Variants in CPLANE1 observed in about 807,000 individuals in gnomAD.
CPLANE1 encodes the protein ciliogenesis and planar polarity effector complex subunit 1, also known as ciliogenesis and planar polarity effector 1.
CPLANE1 carries 263 observed loss-of-function variants against 362.5 expected under a neutral mutation model. The ratio of observed to expected loss-of-function variants is 0.73; its 90% CI spans 0.66 to 0.80. The LOEUF is 0.80. Ranked by LOEUF, CPLANE1 falls within the 30% of genes least tolerant of loss-of-function variation. CPLANE1 has a pLI of 0.00. For synonymous variants in CPLANE1, 1,212 were observed against 1,302.6 expected, an observed-to-expected ratio of 0.93 and a Z score of 1.50; for missense variants, 3,461 against 3,793.4, an observed-to-expected ratio of 0.91 and a Z score of 2.30.
At chr5:37,131,060 G>A (rs899001330) in intron 46 of CPLANE1, among the ~76,000 whole-genome samples, 1 of 152,184 alleles carries the variant, frequency 6.6e-6, no homozygotes, top group Admixed American at 6.5e-5. Flanking sequence ...AATGTAAGTC[G>A]AAGAAGTGAT....
intron 43 of CPLANE1, among the ~76,000 whole-genome samples, chr5:37,144,695 C>T (rs1218130243): frequency 6.6e-6 from 1 of 151,010 alleles, no homozygotes; most frequent in Admixed American, 6.6e-5. Flanking sequence ...ACTAAAAATA[C>T]AAAAAATTAG....
Position 37,167,152 on chromosome 5 carries a change from T to C in CPLANE1, c.7295A>G (p.Lys2432Arg). 6.2e-7 allele frequency: 1 copy of C among 1,613,588 alleles called. No homozygotes were observed. Among genetic ancestry groups the C allele is most frequent in the South Asian group, 1.1e-5 (1 of 90,964 alleles). ...NLIAFKQSQQ[K>R]LTHNLFEQGD... The stretch of plus-strand genomic sequence containing the variant: ...TTGTTCAAATAAATTATGTGTTAGT[T>C]TCTGTTGGCTTTGTTTAAACGCAAT... The change falls in exon 35 of 53, where the codon AAA (lysine) becomes AGA (arginine). Residue 2432 changes from lysine to arginine, a missense_variant. By Grantham distance (26) the Lys-to-Arg change is conservative. Coordinates refer to ENST00000651892, the MANE Select transcript of CPLANE1 (RefSeq NM_001384732.1).
At chr5:37,153,522 A>G (rs1430487465) in intron 42 of CPLANE1, among the ~76,000 whole-genome samples, 1 of 152,172 alleles carries the variant, frequency 6.6e-6, no homozygotes, top group African/African-American at 2.4e-5. Context: ...CAGTGGGTAA[A>G]GACCAGGGAT....
downstream of CPLANE1, among the ~76,000 whole-genome samples, chr5:37,101,966 T>C (rs1340443043): frequency 3.9e-5 from 6 of 152,038 alleles, no homozygotes; most frequent in East Asian, 1.2e-3. Context: ...TCATTTCTGA[T>C]TGTATCTGGT....
intron 15 of CPLANE1, among the ~76,000 whole-genome samples, chr5:37,218,573 C>T (rs1794673712): frequency 6.6e-6 from 1 of 152,054 alleles, no homozygotes; most frequent in Non-Finnish European, 1.5e-5. Context: ...CCTAGTGAAC[C>T]ATCAAATCTA....
chr5:37,121,672 T>C lies in CPLANE1; in HGVS notation c.9130A>G (p.Asn3044Asp). ...GAAGACTGAGTAGGGCTGGGTTTGT[T>C]AGGCAATGGTTTCTGTGGTAGAGTT... ...LPTLPQKPLP[N>D]KPSPTQSSSC... The change falls in exon 49 of 53, where the codon AAC becomes GAC. Residue 3044 changes from asparagine (N) to aspartate (D), a missense_variant. Around this residue, in one of 2 missense-constraint regions of CPLANE1, gnomAD observed 3,380 missense variants for 3,666.1 expected, o/e 0.92. Coordinates refer to ENST00000651892, the MANE Select transcript of CPLANE1 (RefSeq NM_001384732.1). 6.2e-7 allele frequency: 1 copy of C among 1,614,148 alleles called. No individual in the cohort carries two copies. Among genetic ancestry groups the C allele is most frequent in the Non-Finnish European group, 8.5e-7 (1 of 1,180,014 alleles).
At chr5:37,179,711 G>A (rs1034340428) in intron 28 of CPLANE1, among the ~76,000 whole-genome samples, 1 of 152,134 alleles carries the variant, frequency 6.6e-6, no homozygotes, top group Non-Finnish European at 1.5e-5. Context: ...CTGCTGGGGA[G>A]AGGTTTATAG....
chr5:37,105,594 C>A (rs1468584323), downstream of CPLANE1, among the ~76,000 whole-genome samples: 2 of 152,176 alleles, frequency 1.3e-5, no homozygotes, highest in African/African-American at 4.8e-5. Flanking sequence ...TTTCAGGACA[C>A]TGGTCTAGGC....
intron 22 of CPLANE1, 34 bp from the exon 23 acceptor site, chr5:37,187,606 T>C: frequency 2.5e-6 from 4 of 1,587,054 alleles, no homozygotes; most frequent in Non-Finnish European, 3.4e-6. Flanking sequence ...CATTTCCTTT[T>C]TAGTTTAGAT....
intron 8 of CPLANE1, among the ~76,000 whole-genome samples, chr5:37,237,921 G>A (rs967627929): frequency 3.9e-5 from 6 of 152,150 alleles, no homozygotes; most frequent in Non-Finnish European, 5.9e-5. Context: ...GCTCAGGCCT[G>A]TAATCCCAGC....
intron 46 of CPLANE1, among the ~76,000 whole-genome samples, chr5:37,131,089 T>TTTTGTTTTTGATAACCTTCC (rs1264363493): frequency 1.2e-4 from 19 of 152,356 alleles, no homozygotes; most frequent in African/African-American, 4.3e-4. Context: ...TGCCAACGTA[T>TTTTGTTTTTGATAACCTTCC]TTTGTTTTTG....
chr5:37,239,005 C>T (rs1368461874), intron 7 of CPLANE1, 45 bp from the exon 8 acceptor site: 2 of 941,834 alleles, frequency 2.1e-6, no homozygotes, highest in Non-Finnish European at 3.1e-6. Flanking sequence ...AATTATTTTA[C>T]TGTAACCATT....
chr5:37,135,841 C>A (rs963808808), intron 46 of CPLANE1, among the ~76,000 whole-genome samples: 6 of 150,688 alleles, frequency 4.0e-5, no homozygotes, highest in East Asian at 1.9e-4. Context: ...AAAAAAAAAA[C>A]CAACAAAAAA....
At chr5:37,118,344 T>C (rs1324483925) in intron 50 of CPLANE1, among the ~76,000 whole-genome samples, 1 of 150,478 alleles carries the variant, frequency 6.6e-6, no homozygotes, top group African/African-American at 2.5e-5. Flanking sequence ...GAGGCAAAGG[T>C]TGCAGTGAGC....
chr5:37,099,439 C>A, the CPLANE1 span, among the ~76,000 whole-genome samples: 1 of 152,164 alleles, frequency 6.6e-6, no homozygotes, highest in African/African-American at 2.4e-5. Flanking sequence ...TTATGGCTCC[C>A]AGCTTCATCC....
intron 14 of CPLANE1, 30 bp from the exon 15 acceptor site, chr5:37,221,518 G>A (rs765482630): frequency 7.0e-7 from 1 of 1,434,872 alleles, no homozygotes; most frequent in African/African-American, 1.5e-5. Context: ...CACCTTAAAA[G>A]TATGTAAGCA....
chr5:37,240,953 T>C (rs1484998264), intron 6 of CPLANE1, among the ~76,000 whole-genome samples: 1 of 152,080 alleles, frequency 6.6e-6, no homozygotes, highest in Non-Finnish European at 1.5e-5. Flanking sequence ...CTGGCCAATA[T>C]GGTGAAACCC....
chr5:37,226,821 T>A lies in CPLANE1; in HGVS notation c.1774A>T (p.Asn592Tyr), dbSNP rs1045302150. ...IGISKTVTEK[N>Y]LMLNYIVVCI... ...ACTACTATGTAATTTAACATTAAAT[T>A]TTTTTCTGTCACAGTTTTTGAAATT... Residue 592 changes from asparagine (N) to tyrosine (Y), a missense_variant, in exon 12 of 53, where the codon AAT becomes TAT. By Grantham distance (143) the Asn-to-Tyr change is moderately radical. Transcript: ENST00000651892. 2 of 1,550,068 alleles carry A rather than the reference T, an allele frequency of 1.3e-6. No homozygotes were observed. Among genetic ancestry groups the A allele is most frequent in the Non-Finnish European group, 8.7e-7 (1 of 1,146,490 alleles).
At chr5:37,223,972 C>A (rs374993444) in intron 14 of CPLANE1, among the ~76,000 whole-genome samples, 243 of 152,236 alleles carry the variant, frequency 1.6e-3, no homozygotes, top group Non-Finnish European at 2.7e-3. Flanking sequence ...ATCTACAGAT[C>A]ACTGAAAAGA....
Sources: gnomAD v4.1 joint callset for allele counts (sites outside exome capture counted in the v4.1 genomes callset) on GRCh38, gnomAD v4.1.1 for gene constraint, gnomAD v4.1.1 regional missense constraint, MANE v1.5 for transcripts, NCBI Gene and HGNC (gene_info 2026-07-23, HGNC 2026-07-21) for gene names.